Variants in NDFIP2 observed in about 807,000 individuals in gnomAD.
NDFIP2 encodes the protein NEDD4 family-interacting protein 2.
In NDFIP2, 19 loss-of-function variants were observed where a neutral mutation model predicts 36.0. That is an observed-to-expected ratio of 0.53 (90% CI 0.37 to 0.77). NDFIP2 has a LOEUF of 0.77. Ranked by LOEUF, NDFIP2 falls within the 30% of genes least tolerant of loss-of-function variation. The probability of loss-of-function intolerance (pLI) is 0.00; values close to 1 mark genes in which losing one functional copy is unlikely to be tolerated. For synonymous variants in NDFIP2, 181 were observed against 167.7 expected, an observed-to-expected ratio of 1.08 and a Z score of -0.61; for missense variants, 446 against 435.8, an observed-to-expected ratio of 1.02 and a Z score of -0.21.
intron 7 of NDFIP2, 40 bp downstream of exon 7, chr13:79,551,162 A>T (rs765860832): frequency 7.7e-7 from 1 of 1,292,056 alleles, no homozygotes; most frequent in Admixed American, 2.3e-5. Context: ...TATTCCCTTT[A>T]TGTATTCAAA....
intron 1 of NDFIP2, among the ~76,000 whole-genome samples, chr13:79,501,293 T>C (rs750248611): frequency 2.0e-5 from 3 of 152,022 alleles, no homozygotes; most frequent in Non-Finnish European, 4.4e-5. Flanking sequence ...GTGACTCTAA[T>C]GTAAACTATA....
chr13:79,550,207 AGTAATG>A (rs1232697510), intron 6 of NDFIP2, among the ~76,000 whole-genome samples: 2 of 151,844 alleles, frequency 1.3e-5, no homozygotes, highest in African/African-American at 4.8e-5. Flanking sequence ...GGCTTATACT[AGTAATG>A]GTAATGTTTT....
rs138886930 is a variant in NDFIP2 at position 79,504,316 on chromosome 13, G to A, written c.322-16494G>A. Among the ~76,000 whole-genome samples the A allele has an allele frequency of 1.7e-4, 26 of 152,034 alleles. No individual in the cohort carries two copies. In the East Asian group the frequency reaches 5.0e-3, roughly 29 times the overall value. On this transcript the variant is annotated intron_variant, in intron 1 of 7. Transcript: ENST00000218652. ...CCCCAAATAATATTTTATCACATTTGTTTTCTGATGAGTTCTTTACCTGTA... is the reference window on the plus strand; with the variant it reads ...CCCCAAATAATATTTTATCACATTTATTTTCTGATGAGTTCTTTACCTGTA...
chr13:79,521,857 C>G (rs1373284332), intron 2 of NDFIP2, among the ~76,000 whole-genome samples: 1 of 137,524 alleles, frequency 7.3e-6, no homozygotes, highest in Non-Finnish European at 1.5e-5. Context: ...GAGTCTTACT[C>G]TGTCGCCCAG....
At chr13:79,530,156 CT>C (rs200706114) in intron 2 of NDFIP2, among the ~76,000 whole-genome samples, 4 of 150,862 alleles carry the variant, frequency 2.7e-5, no homozygotes, top group Non-Finnish European at 4.4e-5. Context: ...AATTTCTTTT[CT>C]TTTTTTTTAG....
At chr13:79,519,467 T>C (rs1488089415) in intron 1 of NDFIP2, among the ~76,000 whole-genome samples, 2 of 152,224 alleles carry the variant, frequency 1.3e-5, no homozygotes, top group African/African-American at 4.8e-5. Flanking sequence ...GGAATGGCCA[T>C]TTCAAAGTTT....
chr13:79,547,262 A>G (rs1197210888), intron 5 of NDFIP2, among the ~76,000 whole-genome samples: 1 of 152,076 alleles, frequency 6.6e-6, no homozygotes, highest in African/African-American at 2.4e-5. Context: ...TAGGATTTTT[A>G]AGCTTATATA....
intron 2 of NDFIP2, among the ~76,000 whole-genome samples, chr13:79,529,035 T>C (rs1342929491): frequency 2.0e-5 from 3 of 152,198 alleles, no homozygotes; most frequent in Non-Finnish European, 4.4e-5. Flanking sequence ...TGTGTAATGC[T>C]TCACAGTTTA....
At chr13:79,515,027 A>G (rs1367300559) in intron 1 of NDFIP2, among the ~76,000 whole-genome samples, 1 of 152,214 alleles carries the variant, frequency 6.6e-6, no homozygotes, top group South Asian at 2.1e-4. Context: ...ATTTCATCTC[A>G]TTGGGTGAAC....
At chr13:79,534,726 G>A (rs1875165641) in intron 3 of NDFIP2, among the ~76,000 whole-genome samples, 1 of 152,136 alleles carries the variant, frequency 6.6e-6, no homozygotes, top group African/African-American at 2.4e-5. Context: ...GCTAGAATTA[G>A]GTGAGGAGTC....
intron 2 of NDFIP2, among the ~76,000 whole-genome samples, chr13:79,526,465 T>C (rs745308240): frequency 7.3e-5 from 11 of 151,480 alleles, no homozygotes; most frequent in Non-Finnish European, 1.6e-4. Flanking sequence ...AGGAAGAGAG[T>C]AGAGAGGAGG....
chr13:79,542,505 G>GTTTTTT lies in NDFIP2; in HGVS notation c.716-1052_716-1047dup, dbSNP rs1454824183. On this transcript the variant is annotated intron_variant, in intron 4 of 7. Transcript: ENST00000218652. ...GTTGATGGTTTTTTTGTGTTGTTCT[G>GTTTTTT]TTTTTTGTTTTTTTTTTCAGACATT... Among the ~76,000 whole-genome samples the GTTTTTT allele has an allele frequency of 4.0e-4, 59 of 149,364 alleles. 1 individual carries two copies. Among genetic ancestry groups the GTTTTTT allele is most frequent in the African/African-American group, 1.5e-3 (59 of 39,790 alleles).
chr13:79,516,382 T>G (rs1483892867), intron 1 of NDFIP2, among the ~76,000 whole-genome samples: 1 of 152,114 alleles, frequency 6.6e-6, no homozygotes, highest in Non-Finnish European at 1.5e-5. Context: ...GCCTCCCAAG[T>G]AGCTAGGTCT....
At chr13:79,514,629 T>C (rs935166366) in intron 1 of NDFIP2, among the ~76,000 whole-genome samples, 1 of 152,152 alleles carries the variant, frequency 6.6e-6, no homozygotes, top group African/African-American at 2.4e-5. Context: ...AGCTAAGCAG[T>C]GAGGGTTAGG....
intron 1 of NDFIP2, among the ~76,000 whole-genome samples, chr13:79,485,341 C>G (rs1001101003): frequency 6.6e-6 from 1 of 152,194 alleles, no homozygotes; most frequent in Non-Finnish European, 1.5e-5. Context: ...GAAGAAACAG[C>G]TCAGTATGAG....
chr13:79,542,636 C>T (rs1046448408), intron 4 of NDFIP2, among the ~76,000 whole-genome samples: 6 of 151,768 alleles, frequency 4.0e-5, no homozygotes, highest in Non-Finnish European at 8.8e-5. Flanking sequence ...CTACCATATA[C>T]AAGTCAAAAA....
intron 1 of NDFIP2, among the ~76,000 whole-genome samples, chr13:79,497,388 G>A (rs1318592756): frequency 6.6e-6 from 1 of 151,888 alleles, no homozygotes; most frequent in African/African-American, 2.4e-5. Flanking sequence ...CTATGCCTCT[G>A]TTCCTCTCCA....
chr13:79,512,924 A>C lies in NDFIP2; in HGVS notation c.322-7886A>C, dbSNP rs1188317732. Among the ~76,000 whole-genome samples the C allele has an allele frequency of 1.1e-4, 16 of 152,298 alleles. No individual in the cohort carries two copies. The East Asian group carries it at 2.9e-3, about 28-fold the overall frequency. On this transcript the variant is annotated intron_variant, in intron 1 of 7. Coordinates refer to ENST00000218652, the MANE Select transcript of NDFIP2 (RefSeq NM_019080.3). ...CTAAATTATGGTCTCCAAGCCACTT[A>C]AGGAGGAAAATCTTAAAAACCAGGA... is the stretch of plus-strand genomic sequence containing the variant.
chr13:79,545,595 C>G (rs1017958637), intron 5 of NDFIP2, among the ~76,000 whole-genome samples: 1 of 152,062 alleles, frequency 6.6e-6, no homozygotes, highest in Admixed American at 6.5e-5. Flanking sequence ...TTCATTTAAC[C>G]CTTAGTGTAT....
Sources: allele counts gnomAD v4.1 joint callset (sites outside exome capture counted in the v4.1 genomes callset), GRCh38; gene constraint gnomAD v4.1.1; transcripts MANE v1.5; gene names NCBI Gene and HGNC (gene_info 2026-07-23, HGNC 2026-07-21).